The following TMEM132E variants were observed in gnomAD, a reference collection of about 807,000 sequenced individuals.
TMEM132E encodes transmembrane protein 132E.
TMEM132E carries 49 observed loss-of-function variants against 78.5 expected under a neutral mutation model. The observed-to-expected ratio is 0.62, with a 90% CI of 0.50 to 0.79. The LOEUF is 0.79. Ranked by LOEUF, TMEM132E falls within the 30% of genes least tolerant of loss-of-function variation. TMEM132E has a pLI of 0.00. For missense variants in TMEM132E, 1,403 were observed against 1,470.9 expected, an observed-to-expected ratio of 0.95 and a Z score of 0.75; for synonymous variants, 715 against 670.6, an observed-to-expected ratio of 1.07 and a Z score of -1.02.
intron 6 of TMEM132E, among the ~76,000 whole-genome samples, chr17:34,634,115 C>T (rs962799103): frequency 5.3e-5 from 8 of 152,218 alleles, no homozygotes; most frequent in Admixed American, 3.9e-4. Flanking sequence ...TAACAAAGCA[C>T]TAGCTACAGA....
intron 1 of TMEM132E, among the ~76,000 whole-genome samples, chr17:34,616,837 T>C (rs1234657551): frequency 1.3e-5 from 2 of 152,152 alleles, no homozygotes; most frequent in East Asian, 1.9e-4. Context: ...AGCTCCAGCC[T>C]GGGGTGGGGA....
Position 34,620,663 on chromosome 17 carries a change from C to T in TMEM132E, c.68-5464C>T, listed in dbSNP as rs572743975. ...AATGAGAGAGTTCCCAGATCACATG[C>T]GTTTCACTCATACCAGGACCAGGAT... On this transcript the variant is annotated intron_variant, in intron 1 of 8. Coordinates refer to ENST00000631683, the MANE Select transcript of TMEM132E (RefSeq NM_001304438.2). 1.1e-3 allele frequency among the ~76,000 whole-genome samples: 174 copies of T among 152,362 alleles called. 1 individual carries two copies. The highest frequency in any genetic ancestry group is 3.9e-3 in the African/African-American group (164 of 41,590).
At chr17:34,628,750 C>A in intron 3 of TMEM132E, 41 bp downstream of exon 3, 2 of 1,536,402 alleles carry the variant, frequency 1.3e-6, no homozygotes, top group Admixed American at 2.1e-5. Context: ...CTTCGCAAAG[C>A]AGCCATCTGA....
Position 34,637,418 on chromosome 17 carries a change from C to A in TMEM132E, c.2411C>A (p.Thr804Lys). The A allele has an allele frequency of 1.9e-6, 3 of 1,613,754 alleles. No individual in the cohort carries two copies. Among genetic ancestry groups the A allele is most frequent in the Non-Finnish European group, 2.5e-6 (3 of 1,180,034 alleles). Residue 804 changes from threonine (T) to lysine (K), a missense_variant, in exon 9 of 9, where the codon ACG becomes AAG. Around this residue, in one of 3 missense-constraint regions of TMEM132E, gnomAD observed 888 missense variants for 952.8 expected, o/e 0.93. Coordinates refer to ENST00000631683, the MANE Select transcript of TMEM132E (RefSeq NM_001304438.2). ...ACCAAACGCAAGAGTGTGCTCGCCA[C>A]GACCCCTGTGGGCCTGCGGGTGCAC... ...QKTKRKSVLA[T>K]TPVGLRVHFG...
rs1907598334 is a variant in TMEM132E, at chr17:34,638,044, G to A, written c.3037G>A (p.Val1013Ile). The A allele has an allele frequency of 3.2e-6, 5 of 1,578,140 alleles. No individual in the cohort carries two copies. The highest frequency in any genetic ancestry group is 1.3e-5 in the African/African-American group (1 of 74,454). ...ASSPTSKRKR[V>I]KFTTFTTLPS... Reference sequence around the variant, plus strand: ...CTCGCCCACCTCCAAGCGCAAGCGGGTCAAGTTCACCACCTTCACCACGCT... The same window carrying A: ...CTCGCCCACCTCCAAGCGCAAGCGGATCAAGTTCACCACCTTCACCACGCT... Residue 1013 changes from valine (V) to isoleucine (I), a missense_variant, in exon 9 of 9, where the codon GTC becomes ATC. By Grantham distance (29) the Val-to-Ile change is conservative. Around this residue, in one of 3 missense-constraint regions of TMEM132E, gnomAD observed 888 missense variants for 952.8 expected, o/e 0.93. Coordinates refer to ENST00000631683, the MANE Select transcript of TMEM132E (RefSeq NM_001304438.2).
intron 1 of TMEM132E, among the ~76,000 whole-genome samples, chr17:34,596,865 A>G (rs1028053963): frequency 1.3e-5 from 2 of 151,088 alleles, no homozygotes; most frequent in African/African-American, 4.8e-5. Context: ...AAAAAAAAAA[A>G]AAAAAAAAAA....
rs542197233 is a variant in TMEM132E at position 34,608,400 on chromosome 17, C to T, written c.68-17727C>T. Among the ~76,000 whole-genome samples, 168 of 152,286 alleles carry T rather than the reference C, an allele frequency of 1.1e-3. 1 individual carries two copies. Among genetic ancestry groups the T allele is most frequent in the African/African-American group, 3.9e-3 (164 of 41,548 alleles). ...CTTGCACATGGCTAAGCTGCAGTGTCCTGTATACAGTTGGGAAGACGGATG... is the reference window on the plus strand; with the variant it reads ...CTTGCACATGGCTAAGCTGCAGTGTTCTGTATACAGTTGGGAAGACGGATG... On this transcript the variant is annotated intron_variant, in intron 1 of 8. Transcript: ENST00000631683.
At chr17:34,596,101 G>A (rs1031714402) in intron 1 of TMEM132E, among the ~76,000 whole-genome samples, 4 of 151,376 alleles carry the variant, frequency 2.6e-5, no homozygotes, top group African/African-American at 9.7e-5. Flanking sequence ...ACCAGTGCAG[G>A]CCTCTGATTC....
chr17:34,605,415 C>G (rs1281465884), intron 1 of TMEM132E, among the ~76,000 whole-genome samples: 1 of 152,128 alleles, frequency 6.6e-6, no homozygotes, highest in East Asian at 1.9e-4. Context: ...GAAGGCCTTC[C>G]CTCACCATCC....
chr17:34,613,191 A>ACACC (rs1469632828), intron 1 of TMEM132E, among the ~76,000 whole-genome samples: 1 of 113,366 alleles, frequency 8.8e-6, no homozygotes, highest in African/African-American at 2.9e-5. Flanking sequence ...ACACACACAC[A>ACACC]CACACCCACA....
Position 34,626,110 on chromosome 17 carries a change from C to T in TMEM132E, c.68-17C>T. The T allele has an allele frequency of 2.0e-6, 3 of 1,490,554 alleles. No individual in the cohort carries two copies. The highest frequency in any genetic ancestry group is 1.4e-5 in the South Asian group (1 of 71,314). 92.3% of individuals were successfully genotyped at this position (1,490,554 alleles called of 1,614,324 possible). On this transcript the variant is annotated splice_polypyrimidine_tract_variant and intron_variant, in intron 1 of 8. Coordinates refer to ENST00000631683, the MANE Select transcript of TMEM132E (RefSeq NM_001304438.2). ...TCTCCTGACCACCCTGGGCCTCTTT[C>T]CTCTGTCTGTCCCCAGCCTCTGGCC...
chr17:34,581,310 C>T (rs1457612441), intron 1 of TMEM132E, among the ~76,000 whole-genome samples, 167 bp downstream of exon 1: 2 of 151,018 alleles, frequency 1.3e-5, no homozygotes, highest in East Asian at 3.9e-4. Flanking sequence ...CCGAGCCCTC[C>T]GGCGAGCTCA....
chr17:34,635,785 G>C (rs561614953), intron 7 of TMEM132E: 1 of 399,874 alleles, frequency 2.5e-6, no homozygotes, highest in African/African-American at 2.1e-5. Flanking sequence ...TCTCTCATTT[G>C]TGTTCCCGCC....
chr17:34,587,035 T>C (rs1905704176), intron 1 of TMEM132E, among the ~76,000 whole-genome samples: 1 of 152,188 alleles, frequency 6.6e-6, no homozygotes, highest in African/African-American at 2.4e-5. Flanking sequence ...GGGCAGGATG[T>C]GTGCTTGCTG....
chr17:34,601,692 T>C (rs1906245352), intron 1 of TMEM132E, among the ~76,000 whole-genome samples: 1 of 152,226 alleles, frequency 6.6e-6, no homozygotes, highest in African/African-American at 2.4e-5. Flanking sequence ...TTGAAGTCTC[T>C]TCTCTGTAAT....
intron 5 of TMEM132E, among the ~76,000 whole-genome samples, chr17:34,631,635 C>T (rs964473341): frequency 6.6e-6 from 1 of 152,180 alleles, no homozygotes; most frequent in Non-Finnish European, 1.5e-5. Flanking sequence ...TGTCCCATCC[C>T]TCCACCCACC....
At position 34,638,317 on chromosome 17, in the gene TMEM132E, A is replaced by T; in HGVS notation, c.*85A>T. Reference sequence around the variant, plus strand: ...ACAGCCGGGACCCCGGTTCACACTGACTCTGGGCGGCTGAATTGATTTTGT... The same window carrying T: ...ACAGCCGGGACCCCGGTTCACACTGTCTCTGGGCGGCTGAATTGATTTTGT... On this transcript the variant is annotated 3_prime_UTR_variant, in exon 9 of 9. Transcript: ENST00000631683. The T allele has an allele frequency of 7.4e-7, 1 of 1,343,228 alleles. No individual in the cohort carries two copies. Among genetic ancestry groups the T allele is most frequent in the East Asian group, 2.6e-5 (1 of 38,480 alleles). The allele number at this position is 1,343,228 out of a possible 1,614,324, so 83.2% of individuals were successfully genotyped here.
At chr17:34,622,224 T>C (rs1906984521) in intron 1 of TMEM132E, among the ~76,000 whole-genome samples, 1 of 152,224 alleles carries the variant, frequency 6.6e-6, no homozygotes, top group African/African-American at 2.4e-5. Flanking sequence ...ACCAGAACGC[T>C]TCCAGGGCCT....
chr17:34,595,747 G>C (rs1328781491), intron 1 of TMEM132E, among the ~76,000 whole-genome samples: 1 of 152,152 alleles, frequency 6.6e-6, no homozygotes, highest in Non-Finnish European at 1.5e-5. Flanking sequence ...GTCTTCTTTG[G>C]TTTCACATGA....
Sources: gnomAD v4.1 joint callset for allele counts (sites outside exome capture counted in the v4.1 genomes callset) on GRCh38, gnomAD v4.1.1 for gene constraint, gnomAD v4.1.1 regional missense constraint, MANE v1.5 for transcripts, NCBI Gene and HGNC (gene_info 2026-07-23, HGNC 2026-07-21) for gene names.